Variants in PRR12 observed in about 807,000 individuals in gnomAD.
PRR12 encodes proline-rich protein 12.
Under a neutral mutation model 138.0 loss-of-function variants are expected in PRR12, and 12 were observed. That is an observed-to-expected ratio of 0.09 (90% CI 0.06 to 0.14). The LOEUF is 0.14. Ranked by LOEUF, PRR12 falls within the 10% of genes least tolerant of loss-of-function variation. The pLI, the probability that PRR12 is intolerant of heterozygous loss-of-function variation, is 1.00. For synonymous variants in PRR12, 1,567 were observed against 1,291.7 expected, an observed-to-expected ratio of 1.21 and a Z score of -4.57; for missense variants, 2,692 against 2,861.3, an observed-to-expected ratio of 0.94 and a Z score of 1.35.
intron 8 of PRR12, 127 bp from the exon 9 acceptor site, chr19:49,615,620 G>A: frequency 1.3e-6 from 1 of 765,844 alleles, no homozygotes; most frequent in Non-Finnish European, 2.1e-6. Context: ...GGGGAACAGA[G>A]ACCAGAGAGA....
rs1170312664 is a variant in PRR12, at chr19:49,593,420, C to A, written c.180C>A (p.Ala60=). Residue 60 remains alanine (A), a synonymous_variant, in exon 2 of 14, where the codon GCC becomes GCA. Transcript: ENST00000418929. ...CCCCCCACCCACTGCAAAGCTATGC[C>A]ACCAACCACCACCCGGCAGGTACGG... ...YAAPHPLQSY[A]TNHHPAGLSG... is the part of the protein sequence containing the mutation. The A allele has an allele frequency of 1.3e-6, 2 of 1,599,466 alleles. No homozygotes were observed. The highest frequency in any genetic ancestry group is 1.1e-5 in the South Asian group (1 of 90,748).
chr19:49,603,358 T>C (rs961937263), intron 6 of PRR12, among the ~76,000 whole-genome samples: 3 of 152,234 alleles, frequency 2.0e-5, no homozygotes, highest in African/African-American at 7.2e-5. Flanking sequence ...GTACTGATTA[T>C]GATACAGGAT....
Position 49,591,604 on chromosome 19 carries a change from CTCCCTCCCTCCCTCCCT to C in PRR12, c.-50_-34del. On this transcript the variant is annotated 5_prime_UTR_variant, in exon 1 of 14. Transcript: ENST00000418929. ...GCGGAGGAGAGCGCGCGCGCGCCCCCTCCCTCCCTCCCTCCCTCCCCCTCCCCCCAATTTCCACCGCG... is the reference window on the plus strand; with the variant it reads ...GCGGAGGAGAGCGCGCGCGCGCCCCCCCCCCTCCCCCCAATTTCCACCGCG... 2 of 400,536 alleles carry C rather than the reference CTCCCTCCCTCCCTCCCT, an allele frequency of 5.0e-6. No individual in the cohort carries two copies. Among genetic ancestry groups the C allele is most frequent in the South Asian group, 6.7e-5 (2 of 30,016 alleles). The allele number at this position is 400,536 out of a possible 1,614,324, so 24.8% of individuals were successfully genotyped here. A position where few individuals can be genotyped will look rare whatever the true frequency, so the allele number is the denominator to read the frequency against.
In PRR12 at chr19:49,597,649, A is replaced by C; in HGVS notation, c.3314A>C (p.Glu1105Ala). The C allele has an allele frequency of 6.2e-7, 1 of 1,608,256 alleles. No homozygotes were observed. Among genetic ancestry groups the C allele is most frequent in the Non-Finnish European group, 8.5e-7 (1 of 1,178,298 alleles). ...CAGGAGTACGAGTTCGAGGCGGACG[A>C]GGACAAGGCCGATGTTCCCGCCGAC... The part of the protein sequence containing the change: ...YAQEYEFEAD[E>A]DKADVPADIR... Residue 1105 changes from glutamate (E) to alanine (A), a missense_variant, in exon 4 of 14, where the codon GAG becomes GCG. By Grantham distance (107) the Glu-to-Ala change is moderately radical. Coordinates refer to ENST00000418929, the MANE Select transcript of PRR12 (RefSeq NM_020719.3). The surrounding 1 kb of genome is among the most constrained non-coding windows in gnomAD (Gnocchi z 6.3).
In PRR12 at chr19:49,594,569, C is replaced by A; in HGVS notation, c.315C>A (p.Ser105=). ...CCCGGGGCCCCCAGCCTGGCCCCTC[C>A]GCCTCCTCTCTCCTCTCCCAGTTCC... ...LESRGPQPGP[S]ASSLLSQFRS... is the part of the protein sequence containing the mutation. Residue 105 remains serine (S), a synonymous_variant, in exon 3 of 14, where the codon TCC becomes TCA. Coordinates refer to ENST00000418929, the MANE Select transcript of PRR12 (RefSeq NM_020719.3). The surrounding 1 kb of genome is among the most constrained non-coding windows in gnomAD (Gnocchi z 5.6). The A allele has an allele frequency of 6.2e-7, 1 of 1,613,236 alleles. No homozygotes were observed. Among genetic ancestry groups the A allele is most frequent in the Non-Finnish European group, 8.5e-7 (1 of 1,179,816 alleles).
chr19:49,595,727 G>C lies in PRR12; in HGVS notation c.1392G>C (p.Gly464=), dbSNP rs774641295. 13 of 1,592,022 alleles carry C rather than the reference G, an allele frequency of 8.2e-6. No individual in the cohort carries two copies. The highest frequency in any genetic ancestry group is 1.1e-5 in the South Asian group (1 of 88,520). ...PQAYGQGFGG[G]QAQDLSKAPS... ...CCTACGGGCAAGGGTTTGGAGGGGG[G>C]CAGGCACAGGACTTGAGCAAAGCCC... Residue 464 remains glycine (G), a synonymous_variant, in exon 4 of 14, where the codon GGG becomes GGC. Coordinates refer to ENST00000418929, the MANE Select transcript of PRR12 (RefSeq NM_020719.3).
At chr19:49,620,236 G>A in intron 9 of PRR12, 116 bp from the exon 10 acceptor site, 1 of 1,412,930 alleles carries the variant, frequency 7.1e-7, no homozygotes, top group Non-Finnish European at 9.7e-7. Flanking sequence ...AGCGGACTTG[G>A]ACCTCCCAAA....
In PRR12 at chr19:49,616,747, G is replaced by A. The variant is rs1276509414; in HGVS notation, c.5497+528G>A. Among the ~76,000 whole-genome samples, 5 of 152,148 alleles carry A rather than the reference G, an allele frequency of 3.3e-5. No homozygotes were observed. Among genetic ancestry groups the A allele is most frequent in the African/African-American group, 1.2e-4 (5 of 41,422 alleles). On this transcript the variant is annotated intron_variant, in intron 9 of 13. Transcript: ENST00000418929. The surrounding 1 kb of genome is among the most constrained non-coding windows in gnomAD (Gnocchi z 4.2). ...GTAAAATGGGTTCATAATAGACGAA[G>A]CTCATAGGAGAGTGCCAATCTTTAG...
chr19:49,600,446 T>G (rs1599790152), intron 5 of PRR12, among the ~76,000 whole-genome samples: 8 of 133,696 alleles, frequency 6.0e-5, no homozygotes, highest in Admixed American at 7.8e-5. Context: ...AAATGAGAGG[T>G]GGGAGCTTAC....
chr19:49,610,049 A>G (rs2080858066), intron 6 of PRR12, among the ~76,000 whole-genome samples: 2 of 151,336 alleles, frequency 1.3e-5, no homozygotes, highest in African/African-American at 4.9e-5. Context: ...ATCTCGGCTC[A>G]CTGCAACTTC....
At chr19:49,598,148 A>C in intron 4 of PRR12, 135 bp downstream of exon 4, 1 of 1,032,100 alleles carries the variant, frequency 9.7e-7, no homozygotes, top group Non-Finnish European at 1.2e-6. Flanking sequence ...ATCTCGGTTC[A>C]CTGCAAGCTC....
chr19:49,598,304 G>C (rs2080789487), intron 4 of PRR12, among the ~76,000 whole-genome samples: 1 of 151,844 alleles, frequency 6.6e-6, no homozygotes, highest in Non-Finnish European at 1.5e-5. Context: ...TCGATCTCCT[G>C]GCCTCGTGAT....
Position 49,596,757 on chromosome 19 carries a change from C to G in PRR12, c.2422C>G (p.His808Asp). 1 of 1,604,432 alleles carries G rather than the reference C, an allele frequency of 6.2e-7. No homozygotes were observed. Among genetic ancestry groups the G allele is most frequent in the Non-Finnish European group, 8.5e-7 (1 of 1,179,064 alleles). Residue 808 changes from histidine (H) to aspartate (D), a missense_variant, in exon 4 of 14, where the codon CAT (histidine) becomes GAT (aspartate). Transcript: ENST00000418929. The surrounding 1 kb of genome is among the most constrained non-coding windows in gnomAD (Gnocchi z 5.6). Reference protein sequence around the residue: ...PPQLLPSVLSHAPSPSPSASK... With the variant: ...PPQLLPSVLSDAPSPSPSASK... ...CCAGCTGCTCCCCTCGGTCCTCAGC[C>G]ATGCCCCCAGTCCCTCTCCCAGCGC...
Position 49,591,811 on chromosome 19 carries a change from G to T in PRR12, c.86+71G>T, listed in dbSNP as rs1003076564. 3 of 947,328 alleles carry T rather than the reference G, an allele frequency of 3.2e-6. No homozygotes were observed. In the African/African-American group the frequency reaches 5.3e-5, roughly 17 times the overall value. The allele number at this position is 947,328 out of a possible 1,614,324, so 58.7% of individuals were successfully genotyped here. On this transcript the variant is annotated intron_variant, in intron 1 of 13. Coordinates refer to ENST00000418929, the MANE Select transcript of PRR12 (RefSeq NM_020719.3). Reference sequence around the variant, plus strand: ...GCCCAGCCGGGCCGGGCCGGGCCGGGCCGGGCCCGCCCGGCGACGCGTGCA... The same window carrying T: ...GCCCAGCCGGGCCGGGCCGGGCCGGTCCGGGCCCGCCCGGCGACGCGTGCA...
chr19:49,613,631 A>G (rs1224687739), intron 6 of PRR12, among the ~76,000 whole-genome samples: 1 of 152,184 alleles, frequency 6.6e-6, no homozygotes, highest in Non-Finnish European at 1.5e-5. Context: ...TGCTGTGGAC[A>G]TGCTGGTGAA....
At chr19:49,615,205 CAGG>C (rs955493636) in intron 8 of PRR12, among the ~76,000 whole-genome samples, 196 bp downstream of exon 8, 4 of 124,930 alleles carry the variant, frequency 3.2e-5, no homozygotes, top group African/African-American at 1.2e-4. Context: ...GACCCAGAGA[CAGG>C]AGGGGAACAG....
At position 49,601,502 on chromosome 19, in the gene PRR12, C is replaced by T. The variant is rs1237290115; in HGVS notation, c.4357C>T (p.Leu1453=). 4 of 1,509,812 alleles carry T rather than the reference C, an allele frequency of 2.6e-6. No individual in the cohort carries two copies. The East Asian group carries it at 9.9e-5, about 37-fold the overall frequency. 93.5% of individuals were successfully genotyped at this position (1,509,812 alleles called of 1,614,324 possible). A position where few individuals can be genotyped will look rare whatever the true frequency, so the allele number is the denominator to read the frequency against. ...NSNGTPEPPL[L]EEKPPPTPPP... is the part of the protein sequence containing the mutation. Reference sequence around the variant, plus strand: ...CCTGTCTCCCCCAGAGCCCCCGCTGCTGGAGGAGAAACCCCCACCCACTCC... The same window carrying T: ...CCTGTCTCCCCCAGAGCCCCCGCTGTTGGAGGAGAAACCCCCACCCACTCC... The change falls in exon 6 of 14, where the codon CTG becomes TTG. Residue 1453 remains leucine (L), a synonymous_variant. Coordinates refer to ENST00000418929, the MANE Select transcript of PRR12 (RefSeq NM_020719.3).
intron 9 of PRR12, among the ~76,000 whole-genome samples, chr19:49,619,414 T>C (rs1322760970): frequency 6.6e-6 from 1 of 150,826 alleles, no homozygotes; most frequent in Non-Finnish European, 1.5e-5. Flanking sequence ...TTTGTATTTT[T>C]AGTAGAGACA....
chr19:49,610,546 ATT>A (rs922178889), intron 6 of PRR12, among the ~76,000 whole-genome samples: 6 of 121,608 alleles, frequency 4.9e-5, no homozygotes, highest in Admixed American at 1.7e-4. Flanking sequence ...CCCTGTTCCT[ATT>A]TTTTTTTTTT....
Sources: gnomAD v4.1 joint callset for allele counts (sites outside exome capture counted in the v4.1 genomes callset) on GRCh38, gnomAD v4.1.1 for gene constraint, Gnocchi (gnomAD v3.1) non-coding constraint, MANE v1.5 for transcripts, NCBI Gene and HGNC (gene_info 2026-07-23, HGNC 2026-07-21) for gene names.